MEMO1: variants seen among roughly 807,000 people sequenced by gnomAD.
The protein encoded by MEMO1 is mediator of cell motility 1.
In MEMO1, 6 loss-of-function variants were observed where a neutral mutation model predicts 45.2. The ratio of observed to expected loss-of-function variants is 0.13; its 90% CI spans 0.07 to 0.26. MEMO1 has a LOEUF of 0.26. Among genes scored for constraint, MEMO1 ranks in the 10% least tolerant of loss-of-function variants. The pLI is 1.00. For missense variants in MEMO1, 184 were observed against 370.5 expected (o/e 0.50, Z 4.13); for synonymous variants, 78 against 124.3 (o/e 0.63, Z 2.48).
chr2:31,915,115 G>C, intron 6 of MEMO1, among the ~76,000 whole-genome samples: 1 of 151,956 alleles, frequency 6.6e-6, no homozygotes, highest in South Asian at 2.1e-4. Flanking sequence ...CTGGGCAACA[G>C]AGCTGAGACT....
chr2:31,950,045 G>A (rs1160545536), intron 2 of MEMO1, among the ~76,000 whole-genome samples: 1 of 152,156 alleles, frequency 6.6e-6, no homozygotes, highest in African/African-American at 2.4e-5. Flanking sequence ...TTAGAATTAT[G>A]TCATTTTACA....
At chr2:31,942,922 T>C (rs1158499349) in intron 3 of MEMO1, among the ~76,000 whole-genome samples, 1 of 152,254 alleles carries the variant, frequency 6.6e-6, no homozygotes, top group African/African-American at 2.4e-5. Flanking sequence ...ACTTCAGTTT[T>C]TAATTTTTAG....
In MEMO1 at chr2:31,900,818, G is replaced by A. The variant is rs193042408; in HGVS notation, c.438-8684C>T. Among the ~76,000 whole-genome samples the A allele has an allele frequency of 9.7e-3, 1,477 of 152,278 alleles. 25 individuals carry two copies. The highest frequency in any genetic ancestry group is 0.048 in the South Asian group (233 of 4,826). On this transcript the variant is annotated intron_variant, in intron 6 of 9. Transcript: ENST00000404530. ...GACAATAACAGATATTGGCCAGGAT[G>A]TAAAGAAACTGCAAGCCTCATGCAC...
intron 8 of MEMO1, among the ~76,000 whole-genome samples, chr2:31,876,004 G>A (rs911069017): frequency 6.6e-6 from 1 of 151,980 alleles, no homozygotes; most frequent in African/African-American, 2.4e-5. Context: ...TGCTACCTCT[G>A]ACCCTCCTGT....
intron 3 of MEMO1, among the ~76,000 whole-genome samples, chr2:31,934,751 T>C (rs184272688): frequency 4.0e-4 from 61 of 152,134 alleles, no homozygotes; most frequent in African/African-American, 1.4e-3. Flanking sequence ...TGTGACAATA[T>C]CAAACTGTTA....
In MEMO1 at chr2:31,996,951, A is replaced by G. The variant is rs193133219; in HGVS notation, c.61+13236T>C. Among the ~76,000 whole-genome samples, 397 of 152,304 alleles carry G rather than the reference A, an allele frequency of 2.6e-3. 4 individuals are homozygous for G. Among genetic ancestry groups the G allele is most frequent in the Non-Finnish European group, 4.6e-3 (316 of 68,022 alleles). On this transcript the variant is annotated intron_variant, in intron 2 of 9. Coordinates refer to ENST00000404530, the MANE Select transcript of MEMO1 (RefSeq NM_001301833.4). ...GAACACTCACCAAGACTGAACATAGAACACTCGCCAAGACAGATCTTGTAA... is the reference window on the plus strand; with the variant it reads ...GAACACTCACCAAGACTGAACATAGGACACTCGCCAAGACAGATCTTGTAA...
intron 2 of MEMO1, among the ~76,000 whole-genome samples, chr2:31,953,454 A>ATTTTTTT (rs148325193): frequency 6.9e-6 from 1 of 143,938 alleles, no homozygotes. Context: ...CTTTCATAAG[A>ATTTTTTT]TTTTTTTTTT....
At chr2:31,907,568 G>A (rs1679943836) in intron 6 of MEMO1, among the ~76,000 whole-genome samples, 1 of 152,142 alleles carries the variant, frequency 6.6e-6, no homozygotes, top group Admixed American at 6.5e-5. Context: ...GCTGAGGCAG[G>A]CAGATCACTT....
chr2:31,963,055 T>C, intron 2 of MEMO1: 1 of 1,342,424 alleles, frequency 7.4e-7, no homozygotes. Flanking sequence ...TGCCTTCACC[T>C]TCAAACTGAA....
intron 2 of MEMO1, among the ~76,000 whole-genome samples, chr2:31,946,730 G>T (rs1666237956): frequency 6.6e-6 from 1 of 151,988 alleles, no homozygotes; most frequent in South Asian, 2.1e-4. Context: ...AGGCATGGTG[G>T]GCCACGCCTG....
At chr2:31,931,935 A>T (rs1664228730) in intron 4 of MEMO1, 132 bp downstream of exon 4, 1 of 703,532 alleles carries the variant, frequency 1.4e-6, no homozygotes, top group South Asian at 2.2e-5. Flanking sequence ...AAGTATAGTA[A>T]AATTCATCAA....
intron 3 of MEMO1, among the ~76,000 whole-genome samples, chr2:31,936,837 A>G (rs889507671): frequency 3.9e-5 from 6 of 152,236 alleles, no homozygotes; most frequent in Admixed American, 2.6e-4. Context: ...AAGATTCAAC[A>G]AAGTCAGGTC....
chr2:32,005,876 A>G (rs1674005386), intron 2 of MEMO1, among the ~76,000 whole-genome samples: 1 of 152,204 alleles, frequency 6.6e-6, no homozygotes, highest in African/African-American at 2.4e-5. Flanking sequence ...CCTCATATAC[A>G]GGTAACATCA....
intron 6 of MEMO1, among the ~76,000 whole-genome samples, chr2:31,893,623 C>A (rs1004260232): frequency 6.6e-6 from 1 of 152,122 alleles, no homozygotes; most frequent in Non-Finnish European, 1.5e-5. Context: ...CCATCCCCAC[C>A]ACATACAAAT....
intron 6 of MEMO1, among the ~76,000 whole-genome samples, chr2:31,910,085 G>A (rs1402652791): frequency 4.6e-5 from 7 of 151,988 alleles, no homozygotes; most frequent in Non-Finnish European, 7.4e-5. Context: ...CAGAAACCGT[G>A]CAAGAAGTGA....
chr2:31,928,729 A>G (rs1683498831), intron 4 of MEMO1, among the ~76,000 whole-genome samples: 1 of 152,158 alleles, frequency 6.6e-6, no homozygotes, highest in Non-Finnish European at 1.5e-5. Flanking sequence ...CATTTCTCAT[A>G]TAAGAAAACA....
chr2:31,992,586 C>G (rs1477070352), intron 2 of MEMO1, among the ~76,000 whole-genome samples: 5 of 152,210 alleles, frequency 3.3e-5, no homozygotes, highest in African/African-American at 9.6e-5. Flanking sequence ...GAGTTCGAGA[C>G]CAGCCTGGCC....
intron 2 of MEMO1, among the ~76,000 whole-genome samples, chr2:31,965,087 C>A (rs995943281): frequency 2.0e-5 from 3 of 151,984 alleles, no homozygotes; most frequent in Non-Finnish European, 2.9e-5. Context: ...GTGGTGCATG[C>A]CTATAATCCC....
intron 6 of MEMO1, among the ~76,000 whole-genome samples, chr2:31,912,153 G>A (rs1680665539): frequency 6.6e-6 from 1 of 151,992 alleles, no homozygotes; most frequent in African/African-American, 2.4e-5. Context: ...TGGTCAACAG[G>A]GTGAAACCCT....
Sources: gnomAD v4.1 joint callset for allele counts (sites outside exome capture counted in the v4.1 genomes callset) on GRCh38, gnomAD v4.1.1 for gene constraint, MANE v1.5 for transcripts, NCBI Gene and HGNC (gene_info 2026-07-23, HGNC 2026-07-21) for gene names.